The following PRRC2B variants were observed in gnomAD, a reference collection of about 807,000 sequenced individuals.
The protein encoded by PRRC2B is protein PRRC2B.
A neutral mutation model predicts 242.3 loss-of-function variants in PRRC2B; 68 were observed. The observed-to-expected ratio is 0.28, with a 90% CI of 0.23 to 0.34. The LOEUF is 0.34. PRRC2B is among the 10% of genes least tolerant of loss of function. The pLI, the probability that PRRC2B is intolerant of heterozygous loss-of-function variation, is 1.00. For missense variants in PRRC2B, 2,835 were observed against 2,954.8 expected (o/e 0.96, Z 0.94); for synonymous variants, 1,228 against 1,173.6 (o/e 1.05, Z -0.95).
At chr9:131,398,997 C>T (rs1218407072) in intron 1 of PRRC2B, among the ~76,000 whole-genome samples, 5 of 149,164 alleles carry the variant, frequency 3.4e-5, no homozygotes, top group East Asian at 2.0e-4. Context: ...AAAAGTAGGT[C>T]GGGCACGGTG....
At chr9:131,478,068 C>T in intron 17 of PRRC2B, 119 bp downstream of exon 17, 2 of 852,942 alleles carry the variant, frequency 2.3e-6, no homozygotes, top group South Asian at 1.7e-5. Flanking sequence ...ACAGCTCGGC[C>T]AGGCCCTGGG....
At chr9:131,432,375 A>G (rs1039755459) in intron 2 of PRRC2B, among the ~76,000 whole-genome samples, 19 of 152,142 alleles carry the variant, frequency 1.2e-4, no homozygotes, top group African/African-American at 4.3e-4. Context: ...CATCAGTGAA[A>G]TGGAAGCCTT....
chr9:131,414,368 C>A, intron 1 of PRRC2B, among the ~76,000 whole-genome samples: 2 of 54,386 alleles, frequency 3.7e-5, no homozygotes, highest in South Asian at 1.1e-3. Context: ...AAGCAGTAAC[C>A]AAAGTAGAAA....
At chr9:131,495,563 C>A (rs1944310993) in intron 31 of PRRC2B, among the ~76,000 whole-genome samples, 177 bp from the exon 32 acceptor site, 1 of 151,996 alleles carries the variant, frequency 6.6e-6, no homozygotes, top group South Asian at 2.1e-4. Context: ...AGACGGCACT[C>A]GCGCCACTTT....
intron 30 of PRRC2B, among the ~76,000 whole-genome samples, chr9:131,492,476 CATT>C (rs1255068989): frequency 1.6e-4 from 25 of 152,112 alleles, no homozygotes; most frequent in Non-Finnish European, 3.1e-4. Context: ...TGGTTTTAAT[CATT>C]ATAATAAGAT....
Position 131,482,976 on chromosome 9 carries a change from G to T in PRRC2B, c.5373+69G>T. On this transcript the variant is annotated intron_variant, in intron 22 of 31. Coordinates refer to ENST00000683519, the MANE Select transcript of PRRC2B (RefSeq NM_013318.4). This position sits in a 1 kb window ranked among gnomAD's most constrained non-coding sequence, Gnocchi z 5.2. ...ATTTTGGTACTTGGAGAGGCTGGGGGCTCAGATGGGATTGTCTCCTAGAAG... is the reference window on the plus strand; with the variant it reads ...ATTTTGGTACTTGGAGAGGCTGGGGTCTCAGATGGGATTGTCTCCTAGAAG... 6.6e-7 allele frequency: 1 copy of T among 1,512,498 alleles called. No individual in the cohort carries two copies. Among genetic ancestry groups the T allele is most frequent in the Admixed American group, 2.0e-5 (1 of 50,696 alleles). 93.7% of individuals were successfully genotyped at this position (1,512,498 alleles called of 1,614,324 possible). A position where few individuals can be genotyped will look rare whatever the true frequency, so the allele number is the denominator to read the frequency against.
intron 14 of PRRC2B, 43 bp downstream of exon 14, chr9:131,471,026 A>G: frequency 6.8e-7 from 1 of 1,461,028 alleles, no homozygotes; most frequent in Non-Finnish European, 9.4e-7. Context: ...ATCACCCAGG[A>G]TAGCGTGGTG....
chr9:131,494,263 C>G lies in PRRC2B; in HGVS notation c.6474-142C>G, dbSNP rs1489528084. On this transcript the variant is annotated intron_variant, in intron 30 of 31. Transcript: ENST00000683519. The surrounding 1 kb of genome is among the most constrained non-coding windows in gnomAD (Gnocchi z 4.3). ...CTTAGGTCTGTGGTTGTTTTCCATC[C>G]AAGAGATCCACGGACCGTCCCGAGT... 1 of 600,354 alleles carries G rather than the reference C, an allele frequency of 1.7e-6. No homozygotes were observed. Among genetic ancestry groups the G allele is most frequent in the African/African-American group, 1.9e-5 (1 of 53,294 alleles). The allele number at this position is 600,354 out of a possible 1,614,324, so 37.2% of individuals were successfully genotyped here.
At chr9:131,490,517 G>T (rs1169848872) in intron 28 of PRRC2B, 1 of 519,104 alleles carries the variant, frequency 1.9e-6, no homozygotes, top group Admixed American at 1.9e-5. Context: ...AGATCCTTCT[G>T]ACCCTCCACT....
intron 1 of PRRC2B, among the ~76,000 whole-genome samples, chr9:131,426,419 C>T (rs1837979626): frequency 2.0e-5 from 3 of 151,776 alleles, no homozygotes; most frequent in Admixed American, 2.0e-4. Flanking sequence ...TCTTGCCATG[C>T]CTTTCTTTTT....
In PRRC2B at chr9:131,456,785, G is replaced by T. The variant is rs542015036; in HGVS notation, c.1211+1619G>T. 2.7e-4 allele frequency among the ~76,000 whole-genome samples: 41 copies of T among 152,308 alleles called. 1 individual carries two copies. In the East Asian group the frequency reaches 7.3e-3, roughly 27 times the overall value. On this transcript the variant is annotated intron_variant, in intron 10 of 31. Transcript: ENST00000683519. ...TGCACCACTGCACTCCAGCCTGAGT[G>T]ACAGAGTAAGGCCCTGTCTCAAAAA...
intron 1 of PRRC2B, among the ~76,000 whole-genome samples, chr9:131,398,388 C>G (rs1446449963): frequency 6.6e-6 from 1 of 152,222 alleles, no homozygotes; most frequent in Non-Finnish European, 1.5e-5. Flanking sequence ...GAGGTGCTGG[C>G]AGCAGCACTG....
At chr9:131,382,112 G>T (rs142268062) in intron 1 of PRRC2B, among the ~76,000 whole-genome samples, 7,313 of 152,158 alleles carry the variant, frequency 0.048, 249 homozygotes, top group Middle Eastern at 0.088. Flanking sequence ...CGCCTCCTTG[G>T]TTCAAGCAAT....
chr9:131,404,157 A>T (rs369962800), intron 1 of PRRC2B, among the ~76,000 whole-genome samples: 2 of 151,856 alleles, frequency 1.3e-5, no homozygotes, highest in Non-Finnish European at 2.9e-5. Flanking sequence ...AAAAATATAC[A>T]GGTGTGTAAA....
intron 26 of PRRC2B, 86 bp downstream of exon 26, chr9:131,486,268 A>T: frequency 1.0e-6 from 1 of 984,486 alleles, no homozygotes; most frequent in Non-Finnish European, 1.5e-6. Context: ...TCTATTTCTC[A>T]TTGTCTGTCT....
Position 131,476,286 on chromosome 9 carries a change from G to T in PRRC2B, c.4157G>T (p.Arg1386Leu), listed in dbSNP as rs1202030994. 1.9e-6 allele frequency: 3 copies of T among 1,585,048 alleles called. No individual in the cohort carries two copies. Among genetic ancestry groups the T allele is most frequent in the Non-Finnish European group, 2.6e-6 (3 of 1,166,276 alleles). ...TASESSDFSERRERREGPGSE... is the reference protein window; with the variant it reads ...TASESSDFSELRERREGPGSE... ...TCCGAAAGCAGCGACTTCAGCGAGC[G>T]GCGGGAGCGGCGGGAAGGCCCTGGG... Residue 1386 changes from arginine to leucine, a missense_variant, in exon 16 of 32, where the codon CGG becomes CTG. This residue lies in a region of PRRC2B where 1,536 missense variants were observed against 1,483.1 expected (regional missense o/e 1.04). Transcript: ENST00000683519.
chr9:131,448,570 A>AAAAAAAAAAAAAG (rs1838902755), intron 9 of PRRC2B, among the ~76,000 whole-genome samples: 7 of 140,434 alleles, frequency 5.0e-5, no homozygotes, highest in Non-Finnish European at 1.1e-4. Flanking sequence ...AAAAAAAAAA[A>AAAAAAAAAAAAAG]GGAAAGAGAA....
In PRRC2B at chr9:131,420,454, T is replaced by TCTC. The variant is rs1564278464; in HGVS notation, c.-51-9640_-51-9639insCTC. Among the ~76,000 whole-genome samples, 9 of 8,024 alleles carry TCTC rather than the reference T, an allele frequency of 1.1e-3. 1 individual carries two copies. Among genetic ancestry groups the TCTC allele is most frequent in the African/African-American group, 1.7e-3 (9 of 5,278 alleles). 5.3% of individuals were successfully genotyped at this position (8,024 alleles called of 152,430 possible). The stretch of plus-strand genomic sequence containing the variant: ...TTTCTTTTTTCTTTTTCTTTTTCTT[T>TCTC]TTCTTTCTTTCTTTCTTTCTTTCTT... On this transcript the variant is annotated intron_variant, in intron 1 of 31. Coordinates refer to ENST00000683519, the MANE Select transcript of PRRC2B (RefSeq NM_013318.4).
chr9:131,473,816 GAC>G, intron 15 of PRRC2B, 92 bp downstream of exon 15: 1 of 950,762 alleles, frequency 1.1e-6, no homozygotes, highest in Non-Finnish European at 1.6e-6. Flanking sequence ...CATCCTAGGA[GAC>G]ACTGCCCACG....
Sources: allele counts gnomAD v4.1 joint callset (sites outside exome capture counted in the v4.1 genomes callset), GRCh38; gene constraint gnomAD v4.1.1; regional missense constraint gnomAD v4.1.1; non-coding constraint Gnocchi (gnomAD v3.1); transcripts MANE v1.5; gene names NCBI Gene and HGNC (gene_info 2026-07-23, HGNC 2026-07-21).